FBXL7: variants seen among roughly 807,000 people sequenced by gnomAD.
FBXL7 encodes F-box/LRR-repeat protein 7.
A neutral mutation model predicts 38.3 loss-of-function variants in FBXL7; 12 were observed. The observed-to-expected ratio is 0.31, with a 90% confidence interval of 0.20 to 0.51. FBXL7 has a LOEUF of 0.51. FBXL7 is among the 20% of genes least tolerant of loss of function. The probability of loss-of-function intolerance (pLI) is 0.98; values close to 1 mark genes in which losing one functional copy is unlikely to be tolerated. For synonymous variants in FBXL7, 297 were observed against 300.9 expected, an observed-to-expected ratio of 0.99 and a Z score of 0.13; for missense variants, 567 against 676.4, an observed-to-expected ratio of 0.84 and a Z score of 1.79.
At chr5:15,577,030 A>T (rs1561035298) in intron 1 of FBXL7, among the ~76,000 whole-genome samples, 1 of 152,350 alleles carries the variant, frequency 6.6e-6, no homozygotes, top group South Asian at 2.1e-4. Flanking sequence ...TTATTTTGCC[A>T]TAAAGGCTTT....
chr5:15,879,150 C>T (rs1279719783), intron 2 of FBXL7, among the ~76,000 whole-genome samples: 1 of 152,100 alleles, frequency 6.6e-6, no homozygotes, highest in African/African-American at 2.4e-5. Context: ...CTTTTTTTAT[C>T]CTTTTACCTC....
At chr5:15,550,336 ACAGGCT>A (rs1305886047) in intron 1 of FBXL7, among the ~76,000 whole-genome samples, 1 of 152,206 alleles carries the variant, frequency 6.6e-6, no homozygotes, top group Non-Finnish European at 1.5e-5. Flanking sequence ...GACATATTTA[ACAGGCT>A]CAGGTAGCTG....
At chr5:15,543,903 G>A (rs781561974) in intron 1 of FBXL7, among the ~76,000 whole-genome samples, 1 of 152,214 alleles carries the variant, frequency 6.6e-6, no homozygotes, top group Admixed American at 6.5e-5. Flanking sequence ...TCTGTCAGCA[G>A]TTGATGAGGT....
chr5:15,748,469 A>G (rs531305157), intron 2 of FBXL7, among the ~76,000 whole-genome samples: 9 of 152,342 alleles, frequency 5.9e-5, no homozygotes, highest in Middle Eastern at 3.4e-3. Context: ...TTCTCCTGGT[A>G]GTGAATAAGT....
intron 2 of FBXL7, among the ~76,000 whole-genome samples, chr5:15,789,016 A>G (rs1414371217): frequency 6.6e-6 from 1 of 151,534 alleles, no homozygotes; most frequent in Non-Finnish European, 1.5e-5. Flanking sequence ...GCGCCCAGCT[A>G]ATTTTTTGTA....
At chr5:15,650,042 C>T (rs553571784) in intron 2 of FBXL7, among the ~76,000 whole-genome samples, 1 of 152,194 alleles carries the variant, frequency 6.6e-6, no homozygotes, top group African/African-American at 2.4e-5. Context: ...CACTAAAAGT[C>T]ACTTCAGTGC....
intron 2 of FBXL7, among the ~76,000 whole-genome samples, chr5:15,765,804 A>G (rs962522878): frequency 6.6e-6 from 1 of 152,006 alleles, no homozygotes; most frequent in African/African-American, 2.4e-5. Flanking sequence ...GGGTATCTCA[A>G]ACTCACACTG....
chr5:15,750,026 T>C (rs2126684187), intron 2 of FBXL7, among the ~76,000 whole-genome samples: 1 of 152,348 alleles, frequency 6.6e-6, no homozygotes, highest in Non-Finnish European at 1.5e-5. Flanking sequence ...CACAGACTTA[T>C]GCTTCAGCCT....
intron 2 of FBXL7, among the ~76,000 whole-genome samples, chr5:15,643,539 A>G (rs1741434877): frequency 6.6e-6 from 1 of 152,022 alleles, no homozygotes; most frequent in Non-Finnish European, 1.5e-5. Flanking sequence ...TTTTTTTACT[A>G]TGGCCAGGGT....
At chr5:15,925,141 A>T (rs1741848117) in intron 2 of FBXL7, among the ~76,000 whole-genome samples, 2 of 152,224 alleles carry the variant, frequency 1.3e-5, no homozygotes, top group Non-Finnish European at 2.9e-5. Flanking sequence ...AAATTAGGAA[A>T]ATATATAGCA....
intron 2 of FBXL7, among the ~76,000 whole-genome samples, chr5:15,789,464 C>T (rs1003208081): frequency 2.0e-4 from 30 of 152,166 alleles, no homozygotes; most frequent in African/African-American, 5.8e-4. Flanking sequence ...TCCTCTTCTC[C>T]ACCCCATGTC....
rs569164766 is a variant in FBXL7, at chr5:15,882,062, A to G, written c.128-45828A>G. 1.8e-4 allele frequency among the ~76,000 whole-genome samples: 28 copies of G among 152,288 alleles called. 1 individual carries two copies. The South Asian group carries it at 5.8e-3, about 32-fold the overall frequency. The stretch of plus-strand genomic sequence containing the variant: ...AGGTGCTGCAAACTTTTAAAGGACC[A>G]GGTCAAATGAGAATTCATTCACTAT... On this transcript the variant is annotated intron_variant, in intron 2 of 3. Transcript: ENST00000504595.
At chr5:15,685,990 C>T (rs1384934968) in intron 2 of FBXL7, among the ~76,000 whole-genome samples, 1 of 152,138 alleles carries the variant, frequency 6.6e-6, no homozygotes, top group Non-Finnish European at 1.5e-5. Flanking sequence ...CGGGGGGAGA[C>T]AAGCTCCAGT....
At chr5:15,766,698 TAGAA>T (rs1271012262) in intron 2 of FBXL7, among the ~76,000 whole-genome samples, 1 of 152,258 alleles carries the variant, frequency 6.6e-6, no homozygotes, top group Non-Finnish European at 1.5e-5. Context: ...TCTTCCCAAA[TAGAA>T]AGAGTAATTC....
intron 1 of FBXL7, among the ~76,000 whole-genome samples, chr5:15,567,146 T>A (rs1473455409): frequency 1.3e-5 from 2 of 152,142 alleles, no homozygotes; most frequent in Non-Finnish European, 2.9e-5. Flanking sequence ...CTGGAGTTTT[T>A]TTCCTATAGA....
intron 2 of FBXL7, among the ~76,000 whole-genome samples, chr5:15,767,231 G>A (rs760304676): frequency 9.2e-5 from 14 of 151,634 alleles, no homozygotes; most frequent in Non-Finnish European, 1.9e-4. Context: ...TCATTGTTCA[G>A]CTCTCACTTG....
At chr5:15,626,544 C>CTCTGTGTGTGTGTG (rs1554010327) in intron 2 of FBXL7, among the ~76,000 whole-genome samples, 8 of 148,346 alleles carry the variant, frequency 5.4e-5, no homozygotes, top group African/African-American at 1.7e-4. Flanking sequence ...AATTCGTTTC[C>CTCTGTGTGTGTGTG]TGTGTGTGTG....
intron 2 of FBXL7, among the ~76,000 whole-genome samples, chr5:15,732,286 T>C (rs558417594): frequency 6.6e-6 from 1 of 152,292 alleles, no homozygotes; most frequent in East Asian, 1.9e-4. Flanking sequence ...AGCTTAAGGG[T>C]CACTCTATTG....
In FBXL7 at chr5:15,854,040, G is replaced by A. The variant is rs1438351453; in HGVS notation, c.128-73850G>A. On this transcript the variant is annotated intron_variant, in intron 2 of 3. Transcript: ENST00000504595. ...CCAAGCCATTGGACTAAAATATTCAGTAGAATAAAGTGGACCACTTGGGAG... is the reference window on the plus strand; with the variant it reads ...CCAAGCCATTGGACTAAAATATTCAATAGAATAAAGTGGACCACTTGGGAG... Among the ~76,000 whole-genome samples, 3 of 152,174 alleles carry A rather than the reference G, an allele frequency of 2.0e-5. No homozygotes were observed. The East Asian group carries it at 5.8e-4, about 29-fold the overall frequency.
Sources: gnomAD v4.1 joint callset for allele counts (sites outside exome capture counted in the v4.1 genomes callset) on GRCh38, gnomAD v4.1.1 for gene constraint, MANE v1.5 for transcripts, NCBI Gene and HGNC (gene_info 2026-07-23, HGNC 2026-07-21) for gene names.